The following DOCK4 variants were observed in gnomAD, a reference collection of about 807,000 sequenced individuals.
DOCK4 encodes the protein dedicator of cytokinesis protein 4.
Under a neutral mutation model 268.1 loss-of-function variants are expected in DOCK4, and 97 were observed. That is an observed-to-expected ratio of 0.36 (90% CI 0.31 to 0.43). The LOEUF (loss-of-function observed/expected upper bound fraction) is 0.43, where lower values mean the gene tolerates loss of function less well. Among genes scored for constraint, DOCK4 ranks in the 20% least tolerant of loss-of-function variants. The probability of loss-of-function intolerance (pLI) is 1.00; values close to 1 mark genes in which losing one functional copy is unlikely to be tolerated. For missense variants in DOCK4, 2,145 were observed against 2,455.7 expected (o/e 0.87, Z 2.67); for synonymous variants, 954 against 887.2 (o/e 1.08, Z -1.34).
intron 17 of DOCK4, among the ~76,000 whole-genome samples, chr7:111,876,104 CA>C (rs1806844825): frequency 6.6e-6 from 1 of 152,132 alleles, no homozygotes; most frequent in Non-Finnish European, 1.5e-5. Flanking sequence ...GCTTTATAAT[CA>C]TTTATTGAGT....
At position 111,869,375 on chromosome 7, in the gene DOCK4, T is replaced by C. The variant is rs941932431; in HGVS notation, c.2109+199A>G. ...GGAACAAGGATTCAATCCTGAACAGTTTCCAGTAGACTACCCTGGCAAAGT... is the reference window on the plus strand; with the variant it reads ...GGAACAAGGATTCAATCCTGAACAGCTTCCAGTAGACTACCCTGGCAAAGT... On this transcript the variant is annotated intron_variant, in intron 21 of 52. Transcript: ENST00000428084. 1.7e-5 allele frequency: 9 copies of C among 535,094 alleles called. No homozygotes were observed. The African/African-American group carries it at 1.7e-4, about 10-fold the overall frequency. The allele number at this position is 535,094 out of a possible 1,614,324, so 33.1% of individuals were successfully genotyped here. A position where few individuals can be genotyped will look rare whatever the true frequency, so the allele number is the denominator to read the frequency against.
intron 24 of DOCK4, 118 bp downstream of exon 24, chr7:111,846,881 G>C: frequency 8.3e-7 from 1 of 1,209,696 alleles, no homozygotes; most frequent in Non-Finnish European, 1.1e-6. Flanking sequence ...AGCCCAGCTG[G>C]AAATAAAAGT....
chr7:111,928,014 C>CT (rs1392124177), intron 12 of DOCK4, among the ~76,000 whole-genome samples: 1 of 152,258 alleles, frequency 6.6e-6, no homozygotes, highest in East Asian at 1.9e-4. Flanking sequence ...TTTTCACCCC[C>CT]TAGTATTTCT....
intron 36 of DOCK4, among the ~76,000 whole-genome samples, chr7:111,776,340 T>A (rs1457609749): frequency 6.6e-6 from 1 of 152,174 alleles, no homozygotes; most frequent in Non-Finnish European, 1.5e-5. Context: ...GCAAAGAAAT[T>A]GAAGCTGTAA....
intron 1 of DOCK4, among the ~76,000 whole-genome samples, chr7:112,075,503 A>G (rs1281340403): frequency 6.6e-6 from 1 of 152,198 alleles, no homozygotes; most frequent in African/African-American, 2.4e-5. Context: ...TTTCCTCTGA[A>G]AAGTTACATA....
At chr7:111,732,150 G>A (rs1417283397) in intron 52 of DOCK4, 76 bp downstream of exon 52, 8 of 1,427,774 alleles carry the variant, frequency 5.6e-6, no homozygotes, top group Non-Finnish European at 7.8e-6. Context: ...AGCACCTTTT[G>A]ATATATCTGG....
chr7:111,771,533 C>T (rs544336045), intron 36 of DOCK4, among the ~76,000 whole-genome samples: 6 of 152,260 alleles, frequency 3.9e-5, no homozygotes, highest in Non-Finnish European at 8.8e-5. Context: ...GCTGAATCAC[C>T]ATAACATAGG....
chr7:112,194,516 T>C (rs1414487315), intron 1 of DOCK4, among the ~76,000 whole-genome samples: 1 of 152,230 alleles, frequency 6.6e-6, no homozygotes, highest in Admixed American at 6.5e-5. Flanking sequence ...AAAGCTACTT[T>C]AAAATTTTGA....
intron 16 of DOCK4, among the ~76,000 whole-genome samples, chr7:111,891,965 T>C (rs1254622203): frequency 2.0e-5 from 3 of 152,176 alleles, no homozygotes; most frequent in Non-Finnish European, 2.9e-5. Context: ...GGGTTACCTA[T>C]GGGGTTATAA....
intron 26 of DOCK4, among the ~76,000 whole-genome samples, chr7:111,833,891 T>C (rs983426960): frequency 6.6e-6 from 1 of 152,202 alleles, no homozygotes; most frequent in African/African-American, 2.4e-5. Flanking sequence ...TCTAATATGA[T>C]GGTTTCCATA....
At chr7:111,956,179 T>C (rs1796434021) in intron 8 of DOCK4, among the ~76,000 whole-genome samples, 1 of 152,202 alleles carries the variant, frequency 6.6e-6, no homozygotes, top group Admixed American at 6.5e-5. Flanking sequence ...CTCTGATCTA[T>C]ATTCAGAAAT....
Position 111,728,311 on chromosome 7 carries a change from C to T in DOCK4, c.5891G>A (p.Arg1964Gln), listed in dbSNP as rs747359632. The T allele has an allele frequency of 3.3e-6, 5 of 1,509,638 alleles. No individual in the cohort carries two copies. The African/African-American group carries it at 5.6e-5, about 17-fold the overall frequency. 93.5% of individuals were successfully genotyped at this position (1,509,638 alleles called of 1,614,324 possible). A position where few individuals can be genotyped will look rare whatever the true frequency, so the allele number is the denominator to read the frequency against. Residue 1964 changes from arginine to glutamine, a missense_variant, in exon 53 of 53, where the codon CGG becomes CAG. By Grantham distance (43) the Arg-to-Gln change is conservative (BLOSUM62 1). Coordinates refer to ENST00000428084, the MANE Select transcript of DOCK4 (RefSeq NM_001363540.2). ...GACCTTGCGGGGCAGGGGCCTGGGC[C>T]GCGGGCCGGGGTCAGTCCTCCGGGC... ...NGARRTDPGPRPRPLPRKVSQ... is the reference protein window; with the variant it reads ...NGARRTDPGPQPRPLPRKVSQ...
chr7:112,124,515 TTC>T (rs768724549), intron 1 of DOCK4, among the ~76,000 whole-genome samples: 7 of 152,158 alleles, frequency 4.6e-5, no homozygotes, highest in Non-Finnish European at 8.8e-5. Context: ...CAAATACAAG[TTC>T]TTTTTCTCCT....
At chr7:111,892,929 T>C (rs1808413729) in intron 16 of DOCK4, among the ~76,000 whole-genome samples, 2 of 152,190 alleles carry the variant, frequency 1.3e-5, no homozygotes, top group Admixed American at 6.5e-5. Context: ...ACTCAGCTAC[T>C]TGGGGTTTTT....
intron 8 of DOCK4, among the ~76,000 whole-genome samples, chr7:111,953,307 C>T (rs1361920242): frequency 6.6e-6 from 1 of 151,918 alleles, no homozygotes; most frequent in Non-Finnish European, 1.5e-5. Context: ...ACACCAGAAG[C>T]TAAGGGGTGG....
chr7:111,918,348 C>T (rs1250377026), intron 12 of DOCK4, among the ~76,000 whole-genome samples: 1 of 152,200 alleles, frequency 6.6e-6, no homozygotes, highest in Non-Finnish European at 1.5e-5. Flanking sequence ...CCTTATCTCC[C>T]TCTCCAGCCC....
rs537561189 is a variant in DOCK4 at position 112,020,651 on chromosome 7, T to G, written c.38-16520A>C. Among the ~76,000 whole-genome samples, 623 of 147,664 alleles carry G rather than the reference T, an allele frequency of 4.2e-3. 7 individuals are homozygous for G. Among genetic ancestry groups the G allele is most frequent in the Non-Finnish European group, 4.8e-3 (327 of 67,480 alleles). ...GAAGATAGGCCAAAACTGACTTGGC[T>G]TTCTATGCCAAAGAGTCACTGGTAC... On this transcript the variant is annotated intron_variant, in intron 1 of 52. Transcript: ENST00000428084.
intron 13 of DOCK4, among the ~76,000 whole-genome samples, chr7:111,915,415 A>T (rs1419806793): frequency 6.6e-6 from 1 of 152,154 alleles, no homozygotes; most frequent in African/African-American, 2.4e-5. Context: ...ATCTTCACCA[A>T]CATTTTCCAT....
chr7:112,017,408 A>C (rs1321934550), intron 1 of DOCK4, among the ~76,000 whole-genome samples: 4 of 152,226 alleles, frequency 2.6e-5, no homozygotes, highest in Non-Finnish European at 5.9e-5. Flanking sequence ...CAACTGAAAT[A>C]ATAATTACAC....
Sources: gnomAD v4.1 joint callset for allele counts (sites outside exome capture counted in the v4.1 genomes callset) on GRCh38, gnomAD v4.1.1 for gene constraint, MANE v1.5 for transcripts, NCBI Gene and HGNC (gene_info 2026-07-23, HGNC 2026-07-21) for gene names.